FAT2: variants seen among roughly 807,000 people sequenced by gnomAD.
FAT2 encodes FAT atypical cadherin 2, also known as protocadherin Fat 2.
A neutral mutation model predicts 295.3 loss-of-function variants in FAT2; 150 were observed. The ratio of observed to expected loss-of-function variants is 0.51; its 90% confidence interval spans 0.44 to 0.58. The LOEUF is 0.58. Ranked by LOEUF, FAT2 falls within the 20% of genes least tolerant of loss-of-function variation. FAT2 has a pLI of 0.00. For synonymous variants in FAT2, 2,026 were observed against 2,150.3 expected, an observed-to-expected ratio of 0.94 and a Z score of 1.60; for missense variants, 4,868 against 5,442.7, an observed-to-expected ratio of 0.89 and a Z score of 3.32.
At chr5:151,575,644 G>A (rs1434181040) in intron 1 of FAT2, among the ~76,000 whole-genome samples, 1 of 152,206 alleles carries the variant, frequency 6.6e-6, no homozygotes, top group Non-Finnish European at 1.5e-5. Context: ...GTGAAATTGA[G>A]GCTTGGATAA....
intron 20 of FAT2, among the ~76,000 whole-genome samples, chr5:151,514,436 T>G (rs1235080052): frequency 6.6e-6 from 1 of 152,050 alleles, no homozygotes; most frequent in Non-Finnish European, 1.5e-5. Context: ...TATCTCTTTC[T>G]TACTTCGTAG....
rs1435544556 is a variant in FAT2 at position 151,569,070 on chromosome 5, C to T, written c.-20-119G>A. On this transcript the variant is annotated intron_variant, in intron 1 of 23. Coordinates refer to ENST00000261800, the MANE Select transcript of FAT2 (RefSeq NM_001447.3). ...GGACACTTGGCAATGTCTGAAGATACTTTTGGCTGACCCAGCTTGGGAGTG... is the reference window on the plus strand; with the variant it reads ...GGACACTTGGCAATGTCTGAAGATATTTTTGGCTGACCCAGCTTGGGAGTG... 7 of 1,049,798 alleles carry T rather than the reference C, an allele frequency of 6.7e-6. No individual in the cohort carries two copies. In the East Asian group the frequency reaches 1.8e-4, roughly 27 times the overall value. 65.0% of individuals were successfully genotyped at this position (1,049,798 alleles called of 1,614,324 possible).
intron 3 of FAT2, among the ~76,000 whole-genome samples, chr5:151,558,203 C>T (rs1757863871): frequency 6.6e-6 from 1 of 152,168 alleles, no homozygotes; most frequent in African/African-American, 2.4e-5. Flanking sequence ...AATAATTGGA[C>T]ACAATCCATA....
chr5:151,538,721 A>C (rs1187283049), intron 11 of FAT2, among the ~76,000 whole-genome samples: 1 of 152,106 alleles, frequency 6.6e-6, no homozygotes, highest in Non-Finnish European at 1.5e-5. Flanking sequence ...TCTGTTGCCC[A>C]GGCTTGAGTG....
intron 3 of FAT2, among the ~76,000 whole-genome samples, chr5:151,560,135 A>G (rs1418421566): frequency 6.6e-6 from 1 of 152,122 alleles, no homozygotes; most frequent in East Asian, 1.9e-4. Flanking sequence ...ACCACAATCT[A>G]GGTCTTGCCC....
chr5:151,539,060 C>A lies in FAT2; in HGVS notation c.9040-1114G>T, dbSNP rs558372218. The stretch of plus-strand genomic sequence containing the variant: ...CCATCTCCGGGAGGGCCAGGGTGAG[C>A]CTGATCTCAGCCTCTCCAAGCATGG... On this transcript the variant is annotated intron_variant, in intron 11 of 23. Coordinates refer to ENST00000261800, the MANE Select transcript of FAT2 (RefSeq NM_001447.3). 9.2e-5 allele frequency among the ~76,000 whole-genome samples: 14 copies of A among 152,100 alleles called. No individual in the cohort carries two copies. The South Asian group carries it at 2.9e-3, about 32-fold the overall frequency.
At chr5:151,527,446 C>T (rs1314758108) in intron 16 of FAT2, 69 bp from the exon 17 acceptor site, 2 of 1,423,166 alleles carry the variant, frequency 1.4e-6, no homozygotes, top group Non-Finnish European at 1.9e-6. Flanking sequence ...CCTGAGTCAT[C>T]ACTAATATTT....
intron 1 of FAT2, among the ~76,000 whole-genome samples, chr5:151,575,960 C>T (rs10071034): frequency 0.46 from 70,191 of 152,040 alleles, 16,302 homozygotes; most frequent in Middle Eastern, 0.5. Flanking sequence ...TTAAAAGACA[C>T]ATGTGACTTG....
At chr5:151,579,966 G>A (rs1334051951) in intron 1 of FAT2, among the ~76,000 whole-genome samples, 1 of 152,198 alleles carries the variant, frequency 6.6e-6, no homozygotes, top group East Asian at 1.9e-4. Flanking sequence ...CATTCCCTAT[G>A]CATTGTCCCT....
Position 151,515,621 on chromosome 5 carries a change from A to G in FAT2, c.11463+1999T>C, listed in dbSNP as rs550962166. 1.1e-4 allele frequency among the ~76,000 whole-genome samples: 17 copies of G among 152,186 alleles called. No homozygotes were observed. In the South Asian group the frequency reaches 3.3e-3, roughly 30 times the overall value. Reference sequence around the variant, plus strand: ...CAGTTGCCCAGGCCAAAATCTCACTACTTGCCTTCTCTCCCACCCTTCATT... The same window carrying G: ...CAGTTGCCCAGGCCAAAATCTCACTGCTTGCCTTCTCTCCCACCCTTCATT... On this transcript the variant is annotated intron_variant, in intron 20 of 23. Transcript: ENST00000261800.
In FAT2 at chr5:151,522,982, C is replaced by A. The variant is rs145165106; in HGVS notation, c.10507-896G>T. On this transcript the variant is annotated intron_variant, in intron 18 of 23. Transcript: ENST00000261800. ...AAACGCATTTTCCTTTCATGTTTCA[C>A]CACACATCCCTGCAACTTCCTGCCT... is the stretch of plus-strand genomic sequence containing the variant. Among the ~76,000 whole-genome samples, 10 of 152,280 alleles carry A rather than the reference C, an allele frequency of 6.6e-5. No individual in the cohort carries two copies. In the East Asian group the frequency reaches 1.7e-3, roughly 26 times the overall value.
chr5:151,552,076 G>A (rs977979496), intron 6 of FAT2, among the ~76,000 whole-genome samples: 5 of 151,432 alleles, frequency 3.3e-5, no homozygotes, highest in African/African-American at 1.2e-4. Context: ...CTTCTGATTG[G>A]TGGAACTTTA....
At position 151,566,123 on chromosome 5, in the gene FAT2, C is replaced by G; in HGVS notation, c.2809G>C (p.Asp937His). ...GTCAAGACAGTCCCGGGGGGCAGGTCCTCTGGAACCTTCAGCCTGTTGTGT... is the reference window on the plus strand; with the variant it reads ...GTCAAGACAGTCCCGGGGGGCAGGTGCTCTGGAACCTTCAGCCTGTTGTGT... The part of the protein sequence containing the change: ...TEHNRLKVPE[D>H]LPPGTVLTFL... The change falls in exon 2 of 24, where the codon GAC becomes CAC. Residue 937 changes from aspartate (D) to histidine (H), a missense_variant. This residue lies in a region of FAT2 where 3,297 missense variants were observed against 3,669.4 expected (regional missense o/e 0.90). Coordinates refer to ENST00000261800, the MANE Select transcript of FAT2 (RefSeq NM_001447.3). 6.2e-7 allele frequency: 1 copy of G among 1,614,128 alleles called. No individual in the cohort carries two copies. The highest frequency in any genetic ancestry group is 8.5e-7 in the Non-Finnish European group (1 of 1,180,016).
chr5:151,505,155 C>T lies in FAT2; in HGVS notation c.*410G>A. On this transcript the variant is annotated 3_prime_UTR_variant, in exon 24 of 24. Coordinates refer to ENST00000261800, the MANE Select transcript of FAT2 (RefSeq NM_001447.3). ...TGGTTGTCTGTCAGGCACCAACCTG[C>T]CTGCCTCCAAAATGGAGCTGTGGGC... 3.6e-6 allele frequency: 1 copy of T among 280,354 alleles called. No homozygotes were observed. The highest frequency in any genetic ancestry group is 6.8e-6 in the Non-Finnish European group (1 of 146,428). The allele number at this position is 280,354 out of a possible 1,614,324, so 17.4% of individuals were successfully genotyped here. A position where few individuals can be genotyped will look rare whatever the true frequency, so the allele number is the denominator to read the frequency against.
chr5:151,577,070 A>G (rs181987807), intron 1 of FAT2, among the ~76,000 whole-genome samples: 1 of 152,358 alleles, frequency 6.6e-6, no homozygotes, highest in Non-Finnish European at 1.5e-5. Context: ...ACTGACCAAA[A>G]TGTCATGATG....
rs201973368 is a variant in FAT2, at chr5:151,531,661, G to A, written c.9737C>T (p.Pro3246Leu). Reference protein sequence around the residue: ...EVLQLATLTRPGAEKTGYRVV... With the variant: ...EVLQLATLTRLGAEKTGYRVV... ...GCGGTAGCCGGTCTTCTCTGCGCCC[G>A]GGCGAGTGAGGGTGGCCAGCTGCAG... Residue 3246 changes from proline to leucine, a missense_variant, in exon 14 of 24, where the codon CCG becomes CTG. Pro to Leu is a moderately conservative substitution (Grantham distance 98, BLOSUM62 -3). This residue lies in a region of FAT2 where 1,046 missense variants were observed against 1,210.1 expected (regional missense o/e 0.86). Coordinates refer to ENST00000261800, the MANE Select transcript of FAT2 (RefSeq NM_001447.3). This position sits in a 1 kb window ranked among gnomAD's most constrained non-coding sequence, Gnocchi z 5.7. 18 of 1,613,612 alleles carry A rather than the reference G, an allele frequency of 1.1e-5. No homozygotes were observed. The highest frequency in any genetic ancestry group is 3.4e-6 in the Non-Finnish European group (4 of 1,179,916).
At position 151,504,589 on chromosome 5, in the gene FAT2, A is replaced by G. The variant is rs1278061604; in HGVS notation, c.*976T>C. On this transcript the variant is annotated 3_prime_UTR_variant, in exon 24 of 24. Transcript: ENST00000261800. ...ACTGCGGTCCAGCTCCCTGCTTCCA[A>G]CCGGCCCTAAATAGGAGTTCAGACT... The G allele has an allele frequency of 6.5e-6, 1 of 152,700 alleles. No homozygotes were observed. The highest frequency in any genetic ancestry group is 1.5e-5 in the Non-Finnish European group (1 of 68,050). 9.5% of individuals were successfully genotyped at this position (152,700 alleles called of 1,614,324 possible).
chr5:151,554,000 A>G (rs931644691), intron 5 of FAT2, among the ~76,000 whole-genome samples: 1 of 152,220 alleles, frequency 6.6e-6, no homozygotes, highest in African/African-American at 2.4e-5. Flanking sequence ...AGACGTTCTT[A>G]TCTCCATTTT....
intron 19 of FAT2, 116 bp downstream of exon 19, chr5:151,521,160 G>T: frequency 9.2e-7 from 1 of 1,081,728 alleles, no homozygotes; most frequent in South Asian, 1.7e-5. Flanking sequence ...TGGCCTTTGG[G>T]CTTATTAAAA....
Sources: allele counts gnomAD v4.1 joint callset (sites outside exome capture counted in the v4.1 genomes callset), GRCh38; gene constraint gnomAD v4.1.1; regional missense constraint gnomAD v4.1.1; non-coding constraint Gnocchi (gnomAD v3.1); transcripts MANE v1.5; gene names NCBI Gene and HGNC (gene_info 2026-07-23, HGNC 2026-07-21).